B3GALT1: variants seen among roughly 807,000 people sequenced by gnomAD.
B3GALT1 encodes beta-1,3-galactosyltransferase 1.
A neutral mutation model predicts 23.2 loss-of-function variants in B3GALT1; 10 were observed. That is an observed-to-expected ratio of 0.43 (90% CI 0.27 to 0.73). The LOEUF (loss-of-function observed/expected upper bound fraction) is 0.73, where lower values mean the gene tolerates loss of function less well. Among genes scored for constraint, B3GALT1 ranks in the 30% least tolerant of loss-of-function variants. B3GALT1 has a pLI of 0.21. For missense variants in B3GALT1, 299 were observed against 405.4 expected (o/e 0.74, Z 2.25); for synonymous variants, 156 against 141.5 (o/e 1.10, Z -0.73).
intron 1 of B3GALT1, among the ~76,000 whole-genome samples, chr2:167,403,541 T>C (rs193031032): frequency 4.3e-4 from 65 of 151,764 alleles, no homozygotes; most frequent in African/African-American, 1.5e-3. Context: ...TGTACAGATA[T>C]GGTTTTGGTT....
At chr2:167,594,672 G>C (rs1684745343) in intron 2 of B3GALT1, among the ~76,000 whole-genome samples, 1 of 152,176 alleles carries the variant, frequency 6.6e-6, no homozygotes, top group South Asian at 2.1e-4. Context: ...CAGCACTTTG[G>C]GAGGACGAGG....
intron 1 of B3GALT1, among the ~76,000 whole-genome samples, chr2:167,374,067 A>G (rs969662709): frequency 6.6e-6 from 1 of 152,152 alleles, no homozygotes; most frequent in Non-Finnish European, 1.5e-5. Flanking sequence ...CTTTATGTCC[A>G]TGAGTACCCA....
chr2:167,862,201 G>A (rs147421401), intron 4 of B3GALT1, among the ~76,000 whole-genome samples: 1 of 152,326 alleles, frequency 6.6e-6, no homozygotes, highest in East Asian at 1.9e-4. Context: ...GATTATGAGG[G>A]CTGAGAAGTC....
chr2:167,471,381 A>T (rs1324262063), intron 1 of B3GALT1, among the ~76,000 whole-genome samples: 1 of 152,198 alleles, frequency 6.6e-6, no homozygotes, highest in African/African-American at 2.4e-5. Context: ...AGGAAAAAAA[A>T]ATCTATATAC....
intron 3 of B3GALT1, among the ~76,000 whole-genome samples, chr2:167,798,399 AG>A (rs1235272615): frequency 1.3e-5 from 2 of 152,086 alleles, no homozygotes; most frequent in South Asian, 2.1e-4. Context: ...GCTTTCTTCT[AG>A]GGTTTTTATG....
At chr2:167,868,391 C>T (rs750831602) in intron 4 of B3GALT1, among the ~76,000 whole-genome samples, 1 of 149,884 alleles carries the variant, frequency 6.7e-6, no homozygotes, top group Non-Finnish European at 1.5e-5. Flanking sequence ...ATCAAGCAAA[C>T]AAAAACTCAG....
intron 1 of B3GALT1, among the ~76,000 whole-genome samples, chr2:167,415,407 G>A (rs77929165): frequency 6.6e-6 from 1 of 152,130 alleles, no homozygotes; most frequent in Non-Finnish European, 1.5e-5. Flanking sequence ...CTATAACTGG[G>A]AGAAGTAAAT....
intron 3 of B3GALT1, among the ~76,000 whole-genome samples, chr2:167,809,098 C>T (rs969516326): frequency 7.9e-5 from 12 of 152,296 alleles, no homozygotes; most frequent in South Asian, 4.1e-4. Flanking sequence ...CTTGTGCATT[C>T]GTCACGTAGT....
intron 1 of B3GALT1, among the ~76,000 whole-genome samples, chr2:167,476,751 ACAATT>A (rs1699492439): frequency 6.6e-6 from 1 of 152,222 alleles, no homozygotes; most frequent in East Asian, 1.9e-4. Context: ...GCAAAGTTGA[ACAATT>A]CATTTCATCA....
intron 1 of B3GALT1, among the ~76,000 whole-genome samples, chr2:167,307,630 A>G (rs1696569968): frequency 6.6e-6 from 1 of 152,034 alleles, no homozygotes; most frequent in African/African-American, 2.4e-5. Context: ...ATGGTTTGCC[A>G]GGACTGTCAT....
At chr2:167,435,257 T>G (rs1448393662) in intron 1 of B3GALT1, among the ~76,000 whole-genome samples, 1 of 151,198 alleles carries the variant, frequency 6.6e-6, no homozygotes, top group East Asian at 1.9e-4. Context: ...ATATACTTGT[T>G]TATTACTTCT....
At chr2:167,863,977 CATGCATGTATGT>C (rs1425592951) in intron 4 of B3GALT1, among the ~76,000 whole-genome samples, 1 of 142,516 alleles carries the variant, frequency 7.0e-6, no homozygotes, top group Non-Finnish European at 1.5e-5. Flanking sequence ...ATTCTGTGTG[CATGCATGTATGT>C]ATGTGTGTGT....
At chr2:167,341,014 T>C (rs1449483942) in intron 1 of B3GALT1, among the ~76,000 whole-genome samples, 1 of 152,088 alleles carries the variant, frequency 6.6e-6, no homozygotes, top group Non-Finnish European at 1.5e-5. Flanking sequence ...TAAAATCAAA[T>C]GGAAATTCTA....
At chr2:167,673,532 C>T (rs59571016) in intron 3 of B3GALT1, among the ~76,000 whole-genome samples, 14,290 of 151,880 alleles carry the variant, frequency 0.094, 1,620 homozygotes, top group African/African-American at 0.25. Context: ...CCATTTACTT[C>T]CAATGATCCA....
intron 1 of B3GALT1, among the ~76,000 whole-genome samples, chr2:167,392,858 T>C (rs1698036087): frequency 6.6e-6 from 1 of 152,180 alleles, no homozygotes; most frequent in Admixed American, 6.5e-5. Context: ...CCATATGATA[T>C]TGATGGATGT....
intron 1 of B3GALT1, among the ~76,000 whole-genome samples, chr2:167,330,484 C>T (rs554109338): frequency 6.6e-6 from 1 of 152,238 alleles, no homozygotes; most frequent in South Asian, 2.1e-4. Context: ...GTGGCACGTG[C>T]CTGTAGTGCC....
chr2:167,750,341 C>T (rs1030256593), intron 3 of B3GALT1, among the ~76,000 whole-genome samples: 36 of 152,168 alleles, frequency 2.4e-4, no homozygotes, highest in African/African-American at 8.0e-4. Flanking sequence ...AAGGAAAACA[C>T]TCACGAAGGA....
At chr2:167,458,873 T>G (rs932627744) in intron 1 of B3GALT1, among the ~76,000 whole-genome samples, 1 of 152,216 alleles carries the variant, frequency 6.6e-6, no homozygotes, top group African/African-American at 2.4e-5. Flanking sequence ...TCCTGATACT[T>G]TGCTGAACTT....
At position 167,339,749 on chromosome 2, in the gene B3GALT1, G is replaced by C. The variant is rs147732922; in HGVS notation, c.-511+46415G>C. ...GAAGGATAGAATAGTTCACAGTAGGGTAAGCCTTAACTAAAAACAAATAGA... is the reference window on the plus strand; with the variant it reads ...GAAGGATAGAATAGTTCACAGTAGGCTAAGCCTTAACTAAAAACAAATAGA... On this transcript the variant is annotated intron_variant, in intron 1 of 4. Coordinates refer to ENST00000392690, the MANE Select transcript of B3GALT1 (RefSeq NM_020981.4). Among the ~76,000 whole-genome samples, 1,108 of 152,234 alleles carry C rather than the reference G, an allele frequency of 7.3e-3. 53 individuals are homozygous for C. Among genetic ancestry groups the C allele is most frequent in the Admixed American group, 0.067 (1,018 of 15,288 alleles).
Sources: allele counts gnomAD v4.1 joint callset (sites outside exome capture counted in the v4.1 genomes callset), GRCh38; gene constraint gnomAD v4.1.1; transcripts MANE v1.5; gene names NCBI Gene and HGNC (gene_info 2026-07-23, HGNC 2026-07-21).